The following TMPRSS9 variants were observed in gnomAD, a reference collection of about 807,000 sequenced individuals.
The protein encoded by TMPRSS9 is transmembrane protease serine 9.
Under a neutral mutation model 111.4 loss-of-function variants are expected in TMPRSS9, and 113 were observed. The observed-to-expected ratio is 1.01, with a 90% CI of 0.87 to 1.19. The LOEUF (loss-of-function observed/expected upper bound fraction) is 1.19. TMPRSS9 is among the 50% of genes most tolerant of loss of function. The pLI is 0.00. For synonymous variants in TMPRSS9, 805 were observed against 659.1 expected, an observed-to-expected ratio of 1.22 and a Z score of -3.39; for missense variants, 1,803 against 1,513.1, an observed-to-expected ratio of 1.19 and a Z score of -3.18.
chr19:2,424,964 G>A, intron 15 of TMPRSS9, 38 bp from the exon 17 acceptor site: 2 of 1,432,772 alleles, frequency 1.4e-6, no homozygotes, highest in Non-Finnish European at 1.8e-6. Flanking sequence ...CGGGGGCGTG[G>A]GGGCTCGGGC....
At chr19:2,361,335 G>A (rs1599271295) in intron 1 of TMPRSS9, among the ~76,000 whole-genome samples, 2 of 133,564 alleles carry the variant, frequency 1.5e-5, no homozygotes, top group South Asian at 2.6e-4. Flanking sequence ...GTGGGGTGCG[G>A]GGCTGGGATG....
chr19:2,361,411 A>T (rs989345721), intron 1 of TMPRSS9, among the ~76,000 whole-genome samples: 2 of 150,964 alleles, frequency 1.3e-5, no homozygotes, highest in African/African-American at 4.9e-5. Context: ...AGTGGGTGCC[A>T]GGCATCTGAC....
chr19:2,396,969 G>C (rs527528663), intron 2 of TMPRSS9, among the ~76,000 whole-genome samples: 5 of 151,894 alleles, frequency 3.3e-5, no homozygotes, highest in African/African-American at 1.2e-4. Context: ...CACCCAGGCT[G>C]GGGTGCAGTG....
At chr19:2,377,243 CTGTATGTATGTATGTATGTATGTA>C (rs71178267) in intron 1 of TMPRSS9, among the ~76,000 whole-genome samples, 22 of 135,220 alleles carry the variant, frequency 1.6e-4, no homozygotes, top group South Asian at 2.7e-4. Context: ...TCTTTTTTTA[CTGTATGTATGTATGTATGTATGTA>C]TGTATGTATG....
intron 10 of TMPRSS9, among the ~76,000 whole-genome samples, chr19:2,415,214 G>T (rs1971199292): frequency 6.6e-6 from 1 of 151,968 alleles, no homozygotes; most frequent in Non-Finnish European, 1.5e-5. Flanking sequence ...CAAAGTGCTG[G>T]GATAACAGGC....
chr19:2,364,181 C>G (rs1970229578), intron 1 of TMPRSS9, among the ~76,000 whole-genome samples: 1 of 147,940 alleles, frequency 6.8e-6, no homozygotes, highest in African/African-American at 2.6e-5. Context: ...GACCCTGTCT[C>G]AAATAAATAA....
At chr19:2,397,345 C>T (rs527741363) in intron 2 of TMPRSS9, among the ~76,000 whole-genome samples, 1 of 152,004 alleles carries the variant, frequency 6.6e-6, no homozygotes, top group South Asian at 2.1e-4. Flanking sequence ...GGCTGGAGTG[C>T]AGTGGCAGGA....
exon 7 of TMPRSS9, chr19:2,405,417 G>T: frequency 1.2e-6 from 2 of 1,607,310 alleles, no homozygotes; most frequent in Non-Finnish European, 1.7e-6. Flanking sequence ...GCAGGATCGT[G>T]GGCGGCATGG....
At chr19:2,379,730 TTCTCTCTC>T (rs773251268) in intron 1 of TMPRSS9, among the ~76,000 whole-genome samples, 1 of 145,446 alleles carries the variant, frequency 6.9e-6, no homozygotes, top group Admixed American at 7.0e-5. Context: ...CTTTTTCTCT[TTCTCTCTC>T]TCTCTCTCTC....
chr19:2,397,762 A>G (rs1970740348), intron 2 of TMPRSS9, among the ~76,000 whole-genome samples: 1 of 151,426 alleles, frequency 6.6e-6, no homozygotes, highest in Non-Finnish European at 1.5e-5. Flanking sequence ...ATTAGTAAAA[A>G]CACAAAAATT....
At position 2,404,126 on chromosome 19, in the gene TMPRSS9, C is replaced by G. The variant is rs565665906; in HGVS notation, c.670+931C>G. 1.2e-4 allele frequency among the ~76,000 whole-genome samples: 19 copies of G among 152,154 alleles called. 1 individual carries two copies. The highest frequency in any genetic ancestry group is 9.7e-4 in the East Asian group (5 of 5,180). ...GAGGCTGCAGTGAGCTATGATTGCA[C>G]TACTGCACTGTCCAGCCTGGATAAT... On this transcript the variant is annotated intron_variant, in intron 6 of 17. Transcript: ENST00000648592.
At chr19:2,424,342 C>T in intron 15 of TMPRSS9, 85 bp downstream of exon 16, 1 of 1,250,296 alleles carries the variant, frequency 8.0e-7, no homozygotes, top group Non-Finnish European at 1.0e-6. Flanking sequence ...CACCCTGACC[C>T]CCTCCTTTGC....
At chr19:2,399,261 C>T (rs79824768) in intron 4 of TMPRSS9, 68 bp downstream of exon 5, 39,657 of 1,497,908 alleles carry the variant, frequency 0.026, 578 homozygotes, top group South Asian at 0.032. Flanking sequence ...CTGCAAGATA[C>T]ATTTTGATAA....
chr19:2,418,254 CCTTCCCT>C, intron 13 of TMPRSS9, 116 bp downstream of exon 14: 1 of 1,024,132 alleles, frequency 9.8e-7, no homozygotes, highest in Non-Finnish European at 1.3e-6. Flanking sequence ...TTCCCCCCCT[CCTTCCCT>C]CCTTGTCCTT....
chr19:2,411,638 A>G (rs1033394667), intron 9 of TMPRSS9, among the ~76,000 whole-genome samples: 3 of 151,684 alleles, frequency 2.0e-5, no homozygotes, highest in African/African-American at 7.3e-5. Context: ...ATCTTGGCTC[A>G]CCTCCCAGTT....
At chr19:2,395,874 C>T (rs1214593571) in intron 1 of TMPRSS9, among the ~76,000 whole-genome samples, 4 of 150,696 alleles carry the variant, frequency 2.7e-5, no homozygotes, top group East Asian at 4.0e-4. Context: ...CACGCGTGGT[C>T]GTGGGTGCCT....
At chr19:2,368,416 A>G (rs12977539) in intron 1 of TMPRSS9, among the ~76,000 whole-genome samples, 53,599 of 151,708 alleles carry the variant, frequency 0.35, 9,648 homozygotes, top group Middle Eastern at 0.41. Flanking sequence ...CTTTGAAGGC[A>G]CTGAGGCTGG....
chr19:2,398,371 C>A (rs1599293145), intron 2 of TMPRSS9, among the ~76,000 whole-genome samples: 1 of 151,370 alleles, frequency 6.6e-6, no homozygotes, highest in Non-Finnish European at 1.5e-5. Context: ...GTAATCCTAG[C>A]ACTGTGGAAA....
At chr19:2,425,904 C>G in intron 17 of TMPRSS9, 23 bp from the exon 19 acceptor site, 1 of 1,567,028 alleles carries the variant, frequency 6.4e-7, no homozygotes, top group Non-Finnish European at 8.6e-7. Context: ...GCCTCTGAAC[C>G]CCCTTTCTTC....
Sources: gnomAD v4.1 joint callset for allele counts (sites outside exome capture counted in the v4.1 genomes callset) on GRCh38, gnomAD v4.1.1 for gene constraint, MANE v1.5 for transcripts, NCBI Gene and HGNC (gene_info 2026-07-23, HGNC 2026-07-21) for gene names.